The following CALN1 variants were observed in gnomAD, a reference collection of about 807,000 sequenced individuals.
CALN1 encodes calcium-binding protein 8.
CALN1 carries 17 observed loss-of-function variants against 30.6 expected under a neutral mutation model. The ratio of observed to expected loss-of-function variants is 0.56; its 90% confidence interval spans 0.38 to 0.83. The LOEUF (loss-of-function observed/expected upper bound fraction) is 0.83, where lower values mean the gene tolerates loss of function less well. CALN1 is among the 40% of genes least tolerant of loss of function. The pLI is 0.00. For synonymous variants in CALN1, 156 were observed against 131.4 expected (o/e 1.19, Z -1.28); for missense variants, 291 against 354.9 (o/e 0.82, Z 1.45).
chr7:72,397,714 T>TCTCA lies in CALN1; in HGVS notation c.119+5536_119+5537insTGAG, dbSNP rs142607076. 7.6e-3 allele frequency among the ~76,000 whole-genome samples: 1,086 copies of TCTCA among 142,898 alleles called. 12 individuals carry two copies. The highest frequency in any genetic ancestry group is 0.023 in the African/African-American group (873 of 38,218). The allele number at this position is 142,898 out of a possible 152,430, so 93.7% of individuals were successfully genotyped here. On this transcript the variant is annotated intron_variant, in intron 2 of 6. Coordinates refer to ENST00000395275, the MANE Select transcript of CALN1 (RefSeq NM_031468.4). The stretch of plus-strand genomic sequence containing the variant: ...GATCTTGGAGAGCACCCATTCTCTC[T>TCTCA]CACACACACACACACACACACACAC...
chr7:72,069,503 G>A (rs1039606034), intron 4 of CALN1, among the ~76,000 whole-genome samples: 2 of 152,052 alleles, frequency 1.3e-5, no homozygotes, highest in African/African-American at 4.8e-5. Flanking sequence ...TCCAGCTTGT[G>A]GTGTCTCCAG....
At chr7:72,117,967 A>AG (rs1808109592) in intron 3 of CALN1, among the ~76,000 whole-genome samples, 1 of 151,368 alleles carries the variant, frequency 6.6e-6, no homozygotes, top group Non-Finnish European at 1.5e-5. Context: ...CAAAAAAAAA[A>AG]AAGAAAAAAA....
chr7:72,310,997 G>A (rs1800007019), intron 2 of CALN1, among the ~76,000 whole-genome samples: 1 of 151,760 alleles, frequency 6.6e-6, no homozygotes, highest in South Asian at 2.1e-4. Context: ...GAAAGGCACG[G>A]GTGTACTTAT....
chr7:72,005,488 C>T (rs1238765114), intron 5 of CALN1, among the ~76,000 whole-genome samples: 1 of 150,572 alleles, frequency 6.6e-6, no homozygotes, highest in Non-Finnish European at 1.5e-5. Context: ...ACCACCATGC[C>T]CAGCTAACTT....
the CALN1 span, among the ~76,000 whole-genome samples, chr7:72,452,905 A>G: frequency 6.6e-6 from 1 of 152,194 alleles, no homozygotes; most frequent in South Asian, 2.1e-4. Context: ...GGCTCTCCAG[A>G]CCACAATTAC....
intron 3 of CALN1, among the ~76,000 whole-genome samples, chr7:72,147,471 T>A (rs1786846644): frequency 8.8e-6 from 1 of 114,220 alleles, no homozygotes; most frequent in Non-Finnish European, 2.0e-5. Context: ...AAACAACAGG[T>A]GTTGGAGAGG....
intron 5 of CALN1, among the ~76,000 whole-genome samples, chr7:71,922,947 T>C (rs1362031648): frequency 6.7e-6 from 1 of 149,102 alleles, no homozygotes; most frequent in African/African-American, 2.5e-5. Flanking sequence ...AGATATATGA[T>C]ATGTACATAT....
At chr7:72,173,067 A>T (rs765039628) in intron 3 of CALN1, among the ~76,000 whole-genome samples, 2 of 152,206 alleles carry the variant, frequency 1.3e-5, no homozygotes, top group Non-Finnish European at 2.9e-5. Context: ...AATGTACAAG[A>T]TATCTACAAA....
intron 2 of CALN1, among the ~76,000 whole-genome samples, chr7:72,391,017 T>C (rs1383864805): frequency 1.3e-5 from 2 of 152,220 alleles, no homozygotes; most frequent in Non-Finnish European, 2.9e-5. Context: ...ACATTGTAAT[T>C]TTTCCTGACA....
chr7:72,426,093 T>C (rs756348000), intron 1 of CALN1, among the ~76,000 whole-genome samples: 2 of 152,202 alleles, frequency 1.3e-5, no homozygotes, highest in Non-Finnish European at 2.9e-5. Context: ...ATTTCTGCCA[T>C]TGTCTTCCGG....
chr7:72,495,522 T>C, the CALN1 span, among the ~76,000 whole-genome samples: 1 of 152,238 alleles, frequency 6.6e-6, no homozygotes, highest in Non-Finnish European at 1.5e-5. Flanking sequence ...CATTTTGGTT[T>C]GGCATCCCTT....
intron 2 of CALN1, among the ~76,000 whole-genome samples, chr7:72,358,037 G>A (rs1224953849): frequency 1.3e-5 from 2 of 151,506 alleles, no homozygotes; most frequent in Non-Finnish European, 2.9e-5. Flanking sequence ...TGTCTCCCAG[G>A]CAGGAGTGCA....
intron 2 of CALN1, among the ~76,000 whole-genome samples, chr7:72,339,302 T>C (rs1395601026): frequency 3.3e-5 from 5 of 152,210 alleles, no homozygotes; most frequent in Admixed American, 3.3e-4. Flanking sequence ...CTCTTCGATA[T>C]ACTAATTTCT....
At chr7:72,008,804 C>T (rs202119974) in intron 5 of CALN1, among the ~76,000 whole-genome samples, 4 of 151,790 alleles carry the variant, frequency 2.6e-5, no homozygotes, top group East Asian at 1.9e-4. Flanking sequence ...TACAGGTGCC[C>T]GCCACCACGC....
chr7:72,475,425 C>G, the CALN1 span, among the ~76,000 whole-genome samples: 1 of 152,104 alleles, frequency 6.6e-6, no homozygotes. Flanking sequence ...CGCCACTGCA[C>G]TCCGGCCTGG....
intron 5 of CALN1, among the ~76,000 whole-genome samples, chr7:71,829,356 C>T (rs1250664218): frequency 6.6e-6 from 1 of 152,178 alleles, no homozygotes; most frequent in African/African-American, 2.4e-5. Flanking sequence ...ATGGATTCTT[C>T]CCTTGGAGCC....
At chr7:71,981,661 G>A (rs1271220253) in intron 5 of CALN1, among the ~76,000 whole-genome samples, 2 of 143,466 alleles carry the variant, frequency 1.4e-5, no homozygotes, top group Non-Finnish European at 3.0e-5. Context: ...TGTCTGAAAT[G>A]AAAAAACAAA....
chr7:72,096,972 T>C (rs1013027401), intron 4 of CALN1, among the ~76,000 whole-genome samples: 1 of 152,152 alleles, frequency 6.6e-6, no homozygotes, highest in African/African-American at 2.4e-5. Flanking sequence ...CGGAATACTA[T>C]GCAGCCATAA....
chr7:71,837,037 G>A (rs1013283925), intron 5 of CALN1, among the ~76,000 whole-genome samples: 8 of 151,194 alleles, frequency 5.3e-5, no homozygotes, highest in Admixed American at 1.3e-4. Flanking sequence ...TTCGAGTTCC[G>A]CCTGGCCAAC....
Sources: gnomAD v4.1 joint callset for allele counts (sites outside exome capture counted in the v4.1 genomes callset) on GRCh38, gnomAD v4.1.1 for gene constraint, MANE v1.5 for transcripts, NCBI Gene and HGNC (gene_info 2026-07-23, HGNC 2026-07-21) for gene names.